Variants in SLC45A1 observed in about 807,000 individuals in gnomAD.
SLC45A1 encodes solute carrier family 45 member 1.
SLC45A1 carries 28 observed loss-of-function variants against 57.6 expected under a neutral mutation model. The observed-to-expected ratio is 0.49, with a 90% confidence interval of 0.36 to 0.67. SLC45A1 has a LOEUF of 0.67. Among genes scored for constraint, SLC45A1 ranks in the 30% least tolerant of loss-of-function variants. The probability of loss-of-function intolerance (pLI) is 0.00; values close to 1 mark genes in which losing one functional copy is unlikely to be tolerated. For missense variants in SLC45A1, 814 were observed against 1,041.5 expected, an observed-to-expected ratio of 0.78 and a Z score of 3.01; for synonymous variants, 459 against 471.5, an observed-to-expected ratio of 0.97 and a Z score of 0.34.
chr1:8,321,069 T>C (rs1639997994), intron 1 of SLC45A1, among the ~76,000 whole-genome samples: 1 of 152,150 alleles, frequency 6.6e-6, no homozygotes, highest in South Asian at 2.1e-4. Context: ...GTGCTTTTGA[T>C]GAATGAAGCT....
intron 7 of SLC45A1, 27 bp downstream of exon 7, chr1:8,338,019 G>A (rs371130314): frequency 1.4e-4 from 231 of 1,604,542 alleles, no homozygotes; most frequent in Non-Finnish European, 1.8e-4. Context: ...AGGCTGGCAC[G>A]GCAGTGAGAG....
chr1:8,323,490 C>CAAAAAAA (rs34956825), intron 1 of SLC45A1, among the ~76,000 whole-genome samples: 1 of 127,544 alleles, frequency 7.8e-6, no homozygotes. Context: ...GACTCTGTCT[C>CAAAAAAA]AAAAAAAAAA....
Position 8,326,053 on chromosome 1 carries a change from G to A in SLC45A1, c.715+11G>A, listed in dbSNP as rs376139523. On this transcript the variant is annotated intron_variant, in intron 4 of 8. Transcript: ENST00000471889. The surrounding 1 kb of genome is among the most constrained non-coding windows in gnomAD (Gnocchi z 5.5). ...ACGCCCTCCTGGCAGGTGAGTCTCC[G>A]CAGCAGGGCCGAAGCTGAATCTGCC... The A allele has an allele frequency of 1.0e-5, 16 of 1,596,164 alleles. No homozygotes were observed. Among genetic ancestry groups the A allele is most frequent in the African/African-American group, 4.0e-5 (3 of 74,876 alleles).
intron 1 of SLC45A1, among the ~76,000 whole-genome samples, 171 bp downstream of exon 1, chr1:8,318,357 C>A (rs1443501319): frequency 1.3e-5 from 2 of 152,226 alleles, no homozygotes; most frequent in Non-Finnish European, 2.9e-5. Flanking sequence ...CGGAGCTCCC[C>A]CGTCTCGCCC....
chr1:8,322,883 C>G (rs578095742), intron 1 of SLC45A1, among the ~76,000 whole-genome samples: 4 of 152,202 alleles, frequency 2.6e-5, no homozygotes, highest in Admixed American at 1.3e-4. Context: ...CCCCCCACCC[C>G]CTCTGTTATG....
At chr1:8,336,708 T>C (rs2124318484) in intron 6 of SLC45A1, among the ~76,000 whole-genome samples, 1 of 152,328 alleles carries the variant, frequency 6.6e-6, no homozygotes, top group South Asian at 2.1e-4. Flanking sequence ...GCACCCACAC[T>C]GTGAAATATT....
rs1569962285 is a variant in SLC45A1, at chr1:8,335,595, G to C, written c.1597+5G>C. On this transcript the variant is annotated splice_donor_5th_base_variant and intron_variant, in intron 6 of 8. Transcript: ENST00000471889. The surrounding 1 kb of genome is among the most constrained non-coding windows in gnomAD (Gnocchi z 4.1). Reference sequence around the variant, plus strand: ...TCTGCGTCAACCACTTCCTGGGTGAGCTCCCGGCCAAGCCTCCCCGTGAGT... The same window carrying C: ...TCTGCGTCAACCACTTCCTGGGTGACCTCCCGGCCAAGCCTCCCCGTGAGT... The C allele has an allele frequency of 6.3e-7, 1 of 1,594,838 alleles. No individual in the cohort carries two copies. Among genetic ancestry groups the C allele is most frequent in the Non-Finnish European group, 8.5e-7 (1 of 1,173,618 alleles).
At position 8,343,173 on chromosome 1, in the gene SLC45A1, G is replaced by T. The variant is rs1640884837; in HGVS notation, c.1981-574G>T. Among the ~76,000 whole-genome samples the T allele has an allele frequency of 6.6e-6, 1 of 152,156 alleles. No individual in the cohort carries two copies. Among genetic ancestry groups the T allele is most frequent in the South Asian group, 2.1e-4 (1 of 4,830 alleles). On this transcript the variant is annotated intron_variant, in intron 8 of 8. Transcript: ENST00000471889. This position sits in a 1 kb window ranked among gnomAD's most constrained non-coding sequence, Gnocchi z 7.7. ...TTGCAGGCCGGCTGGTGCTGGGGGA[G>T]CCCAGTGAGGGAAAGCCATGCCACC...
chr1:8,334,308 C>T (rs1369368608), intron 5 of SLC45A1, among the ~76,000 whole-genome samples: 1 of 152,250 alleles, frequency 6.6e-6, no homozygotes, highest in Non-Finnish European at 1.5e-5. Context: ...GGGACGCGCT[C>T]TGCCGATGTG....
intron 1 of SLC45A1, among the ~76,000 whole-genome samples, chr1:8,318,691 C>A (rs1454737073): frequency 6.6e-6 from 1 of 152,216 alleles, no homozygotes; most frequent in Non-Finnish European, 1.5e-5. Context: ...CCGTTCAGCT[C>A]CTTCTGCCCT....
intron 5 of SLC45A1, among the ~76,000 whole-genome samples, chr1:8,334,479 C>T (rs954930476): frequency 2.0e-5 from 3 of 152,118 alleles, no homozygotes; most frequent in Non-Finnish European, 4.4e-5. Context: ...GGTGGGAGGA[C>T]CACTTGAGGC....
chr1:8,331,894 G>A (rs563516374), intron 5 of SLC45A1, among the ~76,000 whole-genome samples: 7 of 151,322 alleles, frequency 4.6e-5, no homozygotes, highest in South Asian at 2.1e-4. Flanking sequence ...CCGGGTTCAC[G>A]CCATTCTTCT....
chr1:8,330,696 C>T lies in SLC45A1; in HGVS notation c.1203C>T (p.Ser401=), dbSNP rs781133523. 9 of 1,613,128 alleles carry T rather than the reference C, an allele frequency of 5.6e-6. No homozygotes were observed. The highest frequency in any genetic ancestry group is 2.2e-5 in the East Asian group (1 of 44,888). The change falls in exon 5 of 9, where the codon AGC becomes AGT. Residue 401 remains serine, a synonymous_variant. Coordinates refer to ENST00000471889, the MANE Select transcript of SLC45A1 (RefSeq NM_001080397.3). The surrounding 1 kb of genome is among the most constrained non-coding windows in gnomAD (Gnocchi z 8.4). ...IPGSVPRPPI[S]VSFPRAPDGF... The stretch of plus-strand genomic sequence containing the variant: ...GCAGCGTCCCCAGGCCGCCCATCAG[C>T]GTCAGCTTCCCCCGGGCCCCCGACG...
In SLC45A1 at chr1:8,330,705, C is replaced by T. The variant is rs778931295; in HGVS notation, c.1212C>T (p.Phe404=). 1.2e-6 allele frequency: 2 copies of T among 1,613,014 alleles called. No homozygotes were observed. The highest frequency in any genetic ancestry group is 1.3e-5 in the African/African-American group (1 of 75,050). Residue 404 remains phenylalanine (F), a synonymous_variant, in exon 5 of 9, where the codon TTC becomes TTT. Coordinates refer to ENST00000471889, the MANE Select transcript of SLC45A1 (RefSeq NM_001080397.3). This position sits in a 1 kb window ranked among gnomAD's most constrained non-coding sequence, Gnocchi z 8.4. ...SVPRPPISVS[F]PRAPDGFYRQ... is the part of the protein sequence containing the mutation. ...CCAGGCCGCCCATCAGCGTCAGCTT[C>T]CCCCGGGCCCCCGACGGCTTCTACC...
At chr1:8,323,379 T>C (rs1640092092) in intron 1 of SLC45A1, among the ~76,000 whole-genome samples, 1 of 151,166 alleles carries the variant, frequency 6.6e-6, no homozygotes, top group Admixed American at 6.6e-5. Flanking sequence ...TAATCCCAGC[T>C]ACTTGGGAGG....
chr1:8,329,517 G>A (rs1640304998), intron 4 of SLC45A1, among the ~76,000 whole-genome samples: 2 of 152,248 alleles, frequency 1.3e-5, no homozygotes, highest in African/African-American at 4.8e-5. Flanking sequence ...TGCAGTGTTT[G>A]GAGGTAAATC....
intron 5 of SLC45A1, among the ~76,000 whole-genome samples, chr1:8,332,967 C>T (rs1640462001): frequency 6.6e-6 from 1 of 152,192 alleles, no homozygotes; most frequent in South Asian, 2.1e-4. Flanking sequence ...TTTGCCTCAT[C>T]CCTCGAGGGA....
chr1:8,332,428 T>G (rs1206861382), intron 5 of SLC45A1, among the ~76,000 whole-genome samples: 1 of 152,076 alleles, frequency 6.6e-6, no homozygotes, highest in Non-Finnish European at 1.5e-5. Context: ...CTGTTTAAGT[T>G]GGTATTTAAG....
chr1:8,338,246 C>T (rs1030133050), intron 7 of SLC45A1, among the ~76,000 whole-genome samples: 6 of 152,336 alleles, frequency 3.9e-5, no homozygotes, highest in Middle Eastern at 3.4e-3. Context: ...CTGACTACAC[C>T]GGCAGGCCAT....
Sources: gnomAD v4.1 joint callset for allele counts (sites outside exome capture counted in the v4.1 genomes callset) on GRCh38, gnomAD v4.1.1 for gene constraint, Gnocchi (gnomAD v3.1) non-coding constraint, MANE v1.5 for transcripts, NCBI Gene and HGNC (gene_info 2026-07-23, HGNC 2026-07-21) for gene names.